The following ELP4 variants were observed in gnomAD, a reference collection of about 807,000 sequenced individuals.
The protein encoded by ELP4 is elongator complex protein 4.
A neutral mutation model predicts 48.9 loss-of-function variants in ELP4; 51 were observed. The ratio of observed to expected loss-of-function variants is 1.04; its 90% CI spans 0.83 to 1.32. The LOEUF (loss-of-function observed/expected upper bound fraction) is 1.32, where lower values mean the gene tolerates loss of function less well. ELP4 is among the 40% of genes most tolerant of loss of function. The pLI is 0.00. For missense variants in ELP4, 519 were observed against 514.6 expected, an observed-to-expected ratio of 1.01 and a Z score of -0.08; for synonymous variants, 210 against 189.2, an observed-to-expected ratio of 1.11 and a Z score of -0.90.
intron 9 of ELP4, among the ~76,000 whole-genome samples, chr11:31,740,225 C>A (rs1947414761): frequency 6.6e-6 from 1 of 152,058 alleles, no homozygotes; most frequent in Admixed American, 6.5e-5. Flanking sequence ...GGGTTTTTTT[C>A]TCCTCTCAAG....
intron 9 of ELP4, among the ~76,000 whole-genome samples, chr11:31,676,252 A>G (rs769644033): frequency 2.0e-5 from 3 of 152,170 alleles, no homozygotes; most frequent in African/African-American, 4.8e-5. Context: ...AACTGCCTCA[A>G]TGCCCTCAAA....
intron 9 of ELP4, among the ~76,000 whole-genome samples, chr11:31,740,254 C>G (rs117513218): frequency 0.04 from 6,139 of 152,214 alleles, 178 homozygotes; most frequent in Non-Finnish European, 0.062. Context: ...GTAATGCTTC[C>G]ATGTACCATT....
chr11:31,678,971 A>G (rs1945998147), intron 9 of ELP4, among the ~76,000 whole-genome samples: 1 of 152,324 alleles, frequency 6.6e-6, no homozygotes, highest in Middle Eastern at 3.4e-3. Context: ...GTAGAAAATG[A>G]GAGTGGCATC....
At chr11:31,640,984 G>A (rs1346414647) in intron 7 of ELP4, among the ~76,000 whole-genome samples, 1 of 151,902 alleles carries the variant, frequency 6.6e-6, no homozygotes, top group Non-Finnish European at 1.5e-5. Context: ...GATCCCTCCT[G>A]TTCTGGGAGC....
intron 9 of ELP4, among the ~76,000 whole-genome samples, chr11:31,720,590 A>G (rs1297511623): frequency 6.6e-6 from 1 of 152,182 alleles, no homozygotes; most frequent in Non-Finnish European, 1.5e-5. Context: ...ACAACTTTTT[A>G]AGTTTTCTGA....
intron 9 of ELP4, among the ~76,000 whole-genome samples, chr11:31,656,585 A>G (rs192598289): frequency 6.6e-6 from 1 of 152,118 alleles, no homozygotes; most frequent in African/African-American, 2.4e-5. Flanking sequence ...TTTACATTGC[A>G]CTATTTATTT....
chr11:31,537,660 G>T (rs1956523179), intron 2 of ELP4, among the ~76,000 whole-genome samples: 1 of 152,176 alleles, frequency 6.6e-6, no homozygotes, highest in African/African-American at 2.4e-5. Context: ...GCAGGAGGAA[G>T]AGAAAGAGTG....
intron 9 of ELP4, among the ~76,000 whole-genome samples, chr11:31,697,089 T>C (rs571606231): frequency 6.6e-6 from 1 of 152,140 alleles, no homozygotes; most frequent in South Asian, 2.1e-4. Flanking sequence ...GGTAAAGGGA[T>C]CAATTCAACA....
At chr11:31,571,762 G>A (rs1267590376) in intron 3 of ELP4, among the ~76,000 whole-genome samples, 2 of 152,140 alleles carry the variant, frequency 1.3e-5, no homozygotes, top group East Asian at 1.9e-4. Context: ...AAAGGTCTTG[G>A]GTGACCAGGT....
Position 31,545,194 on chromosome 11 carries a change from G to A in ELP4, c.381+5411G>A, listed in dbSNP as rs574897731. On this transcript the variant is annotated intron_variant, in intron 3 of 9. Coordinates refer to ENST00000640961, the MANE Select transcript of ELP4 (RefSeq NM_019040.5). ...TCAGACGATCAAACTACGAGCTACA[G>A]GAGGAAATTCAAACCAAAGGCAAAG... 2.1e-3 allele frequency among the ~76,000 whole-genome samples: 315 copies of A among 152,236 alleles called. 4 individuals are homozygous for A. Among genetic ancestry groups the A allele is most frequent in the African/African-American group, 7.2e-3 (298 of 41,514 alleles).
At chr11:31,608,304 G>A (rs1374701349) in intron 5 of ELP4, among the ~76,000 whole-genome samples, 1 of 152,038 alleles carries the variant, frequency 6.6e-6, no homozygotes, top group East Asian at 1.9e-4. Flanking sequence ...CCTGATTGAT[G>A]GCTCAGAGGT....
intron 7 of ELP4, among the ~76,000 whole-genome samples, chr11:31,637,597 A>C (rs1945008204): frequency 1.3e-5 from 2 of 151,912 alleles, no homozygotes; most frequent in African/African-American, 4.8e-5. Context: ...TACCCTTTGA[A>C]ACTTTTTAAT....
chr11:31,662,454 T>C (rs1177888947), intron 9 of ELP4: 1 of 394,574 alleles, frequency 2.5e-6, no homozygotes, highest in Non-Finnish European at 4.5e-6. Flanking sequence ...CATGTTGTTG[T>C]TGTTGTTGTT....
At chr11:31,603,592 T>C (rs1448670954) in intron 4 of ELP4, among the ~76,000 whole-genome samples, 176 bp from the exon 5 acceptor site, 2 of 151,868 alleles carry the variant, frequency 1.3e-5, no homozygotes, top group Non-Finnish European at 3.0e-5. Flanking sequence ...CTATAAATGG[T>C]TTAAAATAAT....
intron 9 of ELP4, among the ~76,000 whole-genome samples, chr11:31,755,387 G>A (rs1947812238): frequency 6.6e-6 from 1 of 152,068 alleles, no homozygotes; most frequent in South Asian, 2.1e-4. Context: ...CAAAGTATAA[G>A]GTAAAACTTT....
At chr11:31,653,024 C>CATTCT in intron 9 of ELP4, 1 of 151,768 alleles carries the variant, frequency 6.6e-6, no homozygotes, top group South Asian at 2.1e-4. Flanking sequence ...AACTTTAACT[C>CATTCT]ATAGTCTCTA....
chr11:31,681,195 T>C (rs1946044367), intron 9 of ELP4, among the ~76,000 whole-genome samples: 1 of 152,180 alleles, frequency 6.6e-6, no homozygotes, highest in Non-Finnish European at 1.5e-5. Context: ...TTCTGAAATA[T>C]ATATTCAAGC....
chr11:31,687,287 A>G (rs1195608058), intron 9 of ELP4, among the ~76,000 whole-genome samples: 3 of 152,220 alleles, frequency 2.0e-5, no homozygotes, highest in Non-Finnish European at 4.4e-5. Flanking sequence ...TATAGCTGGT[A>G]GTTGAAGACA....
chr11:31,624,336 A>C (rs1944693919), intron 5 of ELP4, among the ~76,000 whole-genome samples: 1 of 151,778 alleles, frequency 6.6e-6, no homozygotes, highest in Non-Finnish European at 1.5e-5. Flanking sequence ...TCTTGGGCCT[A>C]GCCTATAAAC....
Sources: allele counts gnomAD v4.1 joint callset (sites outside exome capture counted in the v4.1 genomes callset), GRCh38; gene constraint gnomAD v4.1.1; transcripts MANE v1.5; gene names NCBI Gene and HGNC (gene_info 2026-07-23, HGNC 2026-07-21).